PACS2: variants seen among roughly 807,000 people sequenced by gnomAD.
PACS2 encodes the protein PACS1-like protein.
Under a neutral mutation model 113.0 loss-of-function variants are expected in PACS2, and 36 were observed. That is an observed-to-expected ratio of 0.32 (90% CI 0.24 to 0.42). The LOEUF (loss-of-function observed/expected upper bound fraction) is 0.42. Among genes scored for constraint, PACS2 ranks in the 10% least tolerant of loss-of-function variants. The pLI is 1.00. For synonymous variants in PACS2, 589 were observed against 536.1 expected, an observed-to-expected ratio of 1.10 and a Z score of -1.36; for missense variants, 1,015 against 1,239.5, an observed-to-expected ratio of 0.82 and a Z score of 2.72.
chr14:105,352,154 G>A (rs1266041059), intron 2 of PACS2, among the ~76,000 whole-genome samples: 1 of 152,212 alleles, frequency 6.6e-6, no homozygotes, highest in Non-Finnish European at 1.5e-5. Context: ...TCTTAGGGCA[G>A]ATTCCTGGAG....
chr14:105,373,386 T>C (rs1347377032), intron 8 of PACS2, among the ~76,000 whole-genome samples: 1 of 152,202 alleles, frequency 6.6e-6, no homozygotes, highest in African/African-American at 2.4e-5. Context: ...ATCAGTGGAA[T>C]GGAGGTGATA....
chr14:105,367,524 C>T, intron 5 of PACS2, 149 bp downstream of exon 5: 1 of 772,500 alleles, frequency 1.3e-6, no homozygotes, highest in Non-Finnish European at 2.1e-6. Context: ...CTGGAAGCCA[C>T]AGCAGAGGTG....
intron 1 of PACS2, among the ~76,000 whole-genome samples, chr14:105,303,428 A>G (rs1053550355): frequency 7.9e-5 from 12 of 151,430 alleles, no homozygotes; most frequent in Non-Finnish European, 1.6e-4. Context: ...TATTTTTAGT[A>G]GAGACAGGGT....
intron 1 of PACS2, among the ~76,000 whole-genome samples, chr14:105,334,054 G>T (rs981336103): frequency 1.3e-5 from 2 of 152,250 alleles, no homozygotes; most frequent in African/African-American, 4.8e-5. Flanking sequence ...TGGTCGTGGG[G>T]TGTCGGGGGC....
chr14:105,390,607 T>C, intron 20 of PACS2: 1 of 167,914 alleles, frequency 6.0e-6, no homozygotes. Context: ...GAAGGGTCTC[T>C]GGGCCTCGGT....
rs1308141783 is a variant in PACS2, at chr14:105,324,769, C to G, written c.119+9732C>G. 2.0e-5 allele frequency among the ~76,000 whole-genome samples: 3 copies of G among 152,192 alleles called. No individual in the cohort carries two copies. The highest frequency in any genetic ancestry group is 7.2e-5 in the African/African-American group (3 of 41,454). On this transcript the variant is annotated intron_variant, in intron 1 of 24. Coordinates refer to ENST00000447393, the MANE Select transcript of PACS2 (RefSeq NM_001100913.3). This position sits in a 1 kb window ranked among gnomAD's most constrained non-coding sequence, Gnocchi z 4.7. ...GGCTCTCCAGGAGCCCCAGGGAGCA[C>G]TGGCTACTGCTGGGCTGCTCTCAGG...
intron 9 of PACS2, among the ~76,000 whole-genome samples, chr14:105,377,649 G>T (rs587651416): frequency 1.7e-3 from 257 of 152,286 alleles, no homozygotes; most frequent in African/African-American, 5.9e-3. Flanking sequence ...CATGTTGGAG[G>T]CGCGGCCCCA....
rs782325438 is a variant in PACS2, at chr14:105,379,829, G to A, written c.1050G>A (p.Pro350=). ...GCAGCCACAAGGAGCCCCCAAGCCC[G>A]GTGAGTGGGGCCACACTGATCTCCC... ...SARSHKEPPS[P]ADVPEKTRSL... is the part of the protein sequence containing the mutation. Residue 350 remains proline, a splice_region_variant and synonymous_variant, in exon 10 of 25, where the codon CCG becomes CCA. Coordinates refer to ENST00000447393, the MANE Select transcript of PACS2 (RefSeq NM_001100913.3). The A allele has an allele frequency of 1.7e-5, 27 of 1,612,368 alleles. No homozygotes were observed. Among genetic ancestry groups the A allele is most frequent in the East Asian group, 2.2e-5 (1 of 44,876 alleles).
At chr14:105,392,915 T>A in intron 23 of PACS2, 70 bp downstream of exon 23, 1 of 1,263,784 alleles carries the variant, frequency 7.9e-7, no homozygotes, top group Non-Finnish European at 1.1e-6. Context: ...CGGCTCGCAG[T>A]CAACAGGGAT....
intron 24 of PACS2, chr14:105,394,210 C>T: frequency 1.0e-6 from 1 of 985,410 alleles, no homozygotes; most frequent in Non-Finnish European, 1.2e-6. Context: ...CCACTGTCTT[C>T]TTCCCACACC....
intron 19 of PACS2, chr14:105,389,685 GTCC>G (rs1222289522): frequency 1.3e-5 from 7 of 518,852 alleles, no homozygotes; most frequent in African/African-American, 7.7e-5. Flanking sequence ...CCTCTGGCCT[GTCC>G]TCCTGACCAT....
In PACS2 at chr14:105,358,717, C is replaced by T. The variant is rs966211326; in HGVS notation, c.423+3540C>T. On this transcript the variant is annotated intron_variant, in intron 4 of 24. Coordinates refer to ENST00000447393, the MANE Select transcript of PACS2 (RefSeq NM_001100913.3). This position sits in a 1 kb window ranked among gnomAD's most constrained non-coding sequence, Gnocchi z 4.9. ...CACAGCCGGACTCCTCTTGTGGCCT[C>T]GCCACAAGCTGCACATGCCACTGGG... Among the ~76,000 whole-genome samples, 46 of 152,172 alleles carry T rather than the reference C, an allele frequency of 3.0e-4. No homozygotes were observed. Among genetic ancestry groups the T allele is most frequent in the African/African-American group, 9.7e-4 (40 of 41,442 alleles).
intron 8 of PACS2, chr14:105,372,391 C>T (rs1273284174): frequency 3.9e-5 from 6 of 152,358 alleles, no homozygotes; most frequent in African/African-American, 1.4e-4. Flanking sequence ...TGACAATGCA[C>T]ACCATGTGCA....
At chr14:105,394,037 C>CAAAAAA (rs35175118) in intron 24 of PACS2, among the ~76,000 whole-genome samples, 2 of 72,086 alleles carry the variant, frequency 2.8e-5, no homozygotes, top group African/African-American at 1.0e-4. Flanking sequence ...GACTCCGCCT[C>CAAAAAA]AAAAAAAAAA....
chr14:105,317,661 G>C lies in PACS2; in HGVS notation c.119+2624G>C, dbSNP rs1046676154. 6.6e-6 allele frequency among the ~76,000 whole-genome samples: 1 copy of C among 151,832 alleles called. No homozygotes were observed. Among genetic ancestry groups the C allele is most frequent in the African/African-American group, 2.4e-5 (1 of 41,274 alleles). ...TGCTTGAGTTTCAGCAGTTTCTTTAGAGATAGTCATCCTTTCTCGGCTGTG... is the reference window on the plus strand; with the variant it reads ...TGCTTGAGTTTCAGCAGTTTCTTTACAGATAGTCATCCTTTCTCGGCTGTG... On this transcript the variant is annotated intron_variant, in intron 1 of 24. Coordinates refer to ENST00000447393, the MANE Select transcript of PACS2 (RefSeq NM_001100913.3). This position sits in a 1 kb window ranked among gnomAD's most constrained non-coding sequence, Gnocchi z 4.2.
Position 105,379,808 on chromosome 14 carries a change from C to T in PACS2, c.1029C>T (p.Ser343=), listed in dbSNP as rs1463719615. 5.0e-6 allele frequency: 8 copies of T among 1,613,594 alleles called. No homozygotes were observed. Among genetic ancestry groups the T allele is most frequent in the Non-Finnish European group, 6.8e-6 (8 of 1,179,942 alleles). The change falls in exon 10 of 25, where the codon AGC becomes AGT. Residue 343 remains serine (S), a synonymous_variant. Transcript: ENST00000447393. ...TEIGSIHSAR[S]HKEPPSPADV... ...TTGGGAGCATCCACAGCGCCCGCAG[C>T]CACAAGGAGCCCCCAAGCCCGGTGA...
At chr14:105,325,182 G>A (rs918287764) in intron 1 of PACS2, among the ~76,000 whole-genome samples, 16 of 148,188 alleles carry the variant, frequency 1.1e-4, no homozygotes, top group Non-Finnish European at 1.5e-5. Flanking sequence ...GGGGGGGCTC[G>A]GACACAGTGG....
chr14:105,314,392 G>C (rs2058455157), upstream of PACS2: 1 of 151,372 alleles, frequency 6.6e-6, no homozygotes, highest in Non-Finnish European at 1.5e-5. Flanking sequence ...TTAGGGGGCG[G>C]CGCCTGAAGC....
chr14:105,331,234 C>T (rs1194211034), intron 1 of PACS2, among the ~76,000 whole-genome samples: 1 of 152,196 alleles, frequency 6.6e-6, no homozygotes, highest in Non-Finnish European at 1.5e-5. Context: ...GGATTACAGG[C>T]ATGAGCCACC....
Sources: allele counts gnomAD v4.1 joint callset (sites outside exome capture counted in the v4.1 genomes callset), GRCh38; gene constraint gnomAD v4.1.1; non-coding constraint Gnocchi (gnomAD v3.1); transcripts MANE v1.5; gene names NCBI Gene and HGNC (gene_info 2026-07-23, HGNC 2026-07-21).